Variants in PPP2R2B observed in about 807,000 individuals in gnomAD.
PPP2R2B encodes serine/threonine-protein phosphatase 2A 55 kDa regulatory subunit B beta isoform.
Under a neutral mutation model 46.0 loss-of-function variants are expected in PPP2R2B, and 5 were observed. The ratio of observed to expected loss-of-function variants is 0.11; its 90% confidence interval spans 0.06 to 0.23. The LOEUF (loss-of-function observed/expected upper bound fraction) is 0.23, where lower values mean the gene tolerates loss of function less well. Ranked by LOEUF, PPP2R2B falls within the 10% of genes least tolerant of loss-of-function variation. The pLI, the probability that PPP2R2B is intolerant of heterozygous loss-of-function variation, is 1.00. For synonymous variants in PPP2R2B, 215 were observed against 206.7 expected (o/e 1.04, Z -0.34); for missense variants, 367 against 575.0 (o/e 0.64, Z 3.70).
chr5:147,042,528 T>C (rs10035811), intron 1 of PPP2R2B, among the ~76,000 whole-genome samples: 2,282 of 152,272 alleles, frequency 0.015, 54 homozygotes, highest in African/African-American at 0.053. Context: ...TGGAAACTAC[T>C]GTCCTAGAAA....
intron 1 of PPP2R2B, among the ~76,000 whole-genome samples, chr5:146,956,835 G>A (rs1271473717): frequency 3.3e-5 from 5 of 152,130 alleles, no homozygotes; most frequent in Admixed American, 6.5e-5. Context: ...CATCTTTCAC[G>A]TGTCCTTACA....
At chr5:146,733,700 C>CACACACAGAT (rs61574273) in intron 2 of PPP2R2B, among the ~76,000 whole-genome samples, 1,436 of 99,480 alleles carry the variant, frequency 0.014, 27 homozygotes, top group African/African-American at 0.088. Context: ...AAAACAAAAC[C>CACACACAGAT]ACACACAGAC....
At chr5:147,006,306 A>G (rs1358390666) in intron 1 of PPP2R2B, among the ~76,000 whole-genome samples, 2 of 152,236 alleles carry the variant, frequency 1.3e-5, no homozygotes, top group Non-Finnish European at 2.9e-5. Flanking sequence ...GGAAGGAGCC[A>G]TCTATACCAA....
chr5:146,653,055 T>C (rs1451153158), intron 5 of PPP2R2B, among the ~76,000 whole-genome samples: 1 of 152,210 alleles, frequency 6.6e-6, no homozygotes, highest in Non-Finnish European at 1.5e-5. Flanking sequence ...TCAAGTATTC[T>C]TCATACATAA....
At chr5:146,793,485 T>G (rs1208169448) in intron 2 of PPP2R2B, among the ~76,000 whole-genome samples, 1 of 152,226 alleles carries the variant, frequency 6.6e-6, no homozygotes, top group Non-Finnish European at 1.5e-5. Context: ...CTAATTCATT[T>G]AAGTCACTTA....
At chr5:146,745,698 G>A (rs1356736303) in intron 2 of PPP2R2B, among the ~76,000 whole-genome samples, 1 of 152,128 alleles carries the variant, frequency 6.6e-6, no homozygotes, top group Non-Finnish European at 1.5e-5. Context: ...GGTGGCTCAC[G>A]CCTGTAATCT....
intron 1 of PPP2R2B, among the ~76,000 whole-genome samples, chr5:146,976,251 C>T (rs537676934): frequency 3.3e-5 from 5 of 151,946 alleles, no homozygotes; most frequent in Non-Finnish European, 5.9e-5. Context: ...TATTCTCCTG[C>T]GTCAGCCTCC....
chr5:146,857,260 GTA>G (rs1760728580), intron 2 of PPP2R2B, among the ~76,000 whole-genome samples: 1 of 152,112 alleles, frequency 6.6e-6, no homozygotes, highest in African/African-American at 2.4e-5. Context: ...GCGTTCAGAA[GTA>G]TGAGGTTATA....
At chr5:146,687,031 G>A (rs1014501794) in intron 5 of PPP2R2B, among the ~76,000 whole-genome samples, 2 of 151,390 alleles carry the variant, frequency 1.3e-5, no homozygotes, top group East Asian at 1.9e-4. Context: ...GTGTATGTGT[G>A]TGTGTGTGTG....
Position 147,003,039 on chromosome 5 carries a change from G to A in PPP2R2B, c.79+52626C>T, listed in dbSNP as rs192691192. On this transcript the variant is annotated intron_variant, in intron 1 of 8. Transcript: ENST00000336640. Reference sequence around the variant, plus strand: ...CTGATGGGGAAAAATGGCCACCTGAGGGAAGTATAAATTACTATACGATCC... The same window carrying A: ...CTGATGGGGAAAAATGGCCACCTGAAGGAAGTATAAATTACTATACGATCC... Among the ~76,000 whole-genome samples the A allele has an allele frequency of 3.0e-3, 454 of 152,224 alleles. 6 individuals carry two copies. The highest frequency in any genetic ancestry group is 0.01 in the Middle Eastern group (3 of 294).
upstream of PPP2R2B, among the ~76,000 whole-genome samples, chr5:146,883,206 C>T (rs994379252): frequency 7.2e-5 from 11 of 152,188 alleles, no homozygotes; most frequent in African/African-American, 2.7e-4. Flanking sequence ...CTCTGAACCT[C>T]TATATTTGCA....
chr5:147,081,243 G>A (rs1418649565), intron 1 of PPP2R2B: 1 of 1,535,626 alleles, frequency 6.5e-7, no homozygotes, highest in South Asian at 1.2e-5. Context: ...ATTTCTAAAA[G>A]GAGACTTGCA....
chr5:147,027,403 G>T (rs550424257), intron 1 of PPP2R2B, among the ~76,000 whole-genome samples: 1 of 152,272 alleles, frequency 6.6e-6, no homozygotes, highest in East Asian at 1.9e-4. Context: ...GTGAGGCAGA[G>T]GCCGGCGGAT....
At chr5:147,055,657 G>A (rs1257053096) in intron 1 of PPP2R2B, 1 of 1,603,068 alleles carries the variant, frequency 6.2e-7, no homozygotes, top group Non-Finnish European at 8.5e-7. Context: ...TCCCTCTCTG[G>A]TCTGTACCTT....
intron 1 of PPP2R2B, chr5:147,055,661 G>C: frequency 6.2e-7 from 1 of 1,605,966 alleles, no homozygotes. Flanking sequence ...TCTCTGGTCT[G>C]TACCTTCTGT....
intron 7 of PPP2R2B, among the ~76,000 whole-genome samples, chr5:146,619,652 C>T (rs1315242702): frequency 1.3e-5 from 2 of 152,150 alleles, no homozygotes; most frequent in East Asian, 1.9e-4. Flanking sequence ...ATCAAACATA[C>T]GTCCTCTGTA....
chr5:146,584,921 G>A lies in PPP2R2B; in HGVS notation c.*5026C>T, dbSNP rs1331859326. On this transcript the variant is annotated 3_prime_UTR_variant, in exon 10 of 10. Coordinates refer to ENST00000394411, the MANE Select transcript of PPP2R2B (RefSeq NM_181675.4). Reference sequence around the variant, plus strand: ...TATTGGAAACGCTGTATCATGCTTTGTTGAGCAAATTTAGTTAAAATTCTG... The same window carrying A: ...TATTGGAAACGCTGTATCATGCTTTATTGAGCAAATTTAGTTAAAATTCTG... 4 of 152,138 alleles carry A rather than the reference G, an allele frequency of 2.6e-5. No homozygotes were observed. The highest frequency in any genetic ancestry group is 5.9e-5 in the Non-Finnish European group (4 of 68,024). 9.4% of individuals were successfully genotyped at this position (152,138 alleles called of 1,614,324 possible). A position where few individuals can be genotyped will look rare whatever the true frequency, so the allele number is the denominator to read the frequency against.
At chr5:146,674,131 C>G (rs1301472943) in intron 5 of PPP2R2B, among the ~76,000 whole-genome samples, 2 of 152,160 alleles carry the variant, frequency 1.3e-5, no homozygotes, top group Non-Finnish European at 2.9e-5. Context: ...TTGGAGCTAG[C>G]TACATATTAT....
chr5:147,034,225 C>A (rs1297732878), intron 1 of PPP2R2B, among the ~76,000 whole-genome samples: 3 of 152,108 alleles, frequency 2.0e-5, no homozygotes, highest in Non-Finnish European at 2.9e-5. Flanking sequence ...TGGCTGATGA[C>A]CTCATGTCCT....
Sources: gnomAD v4.1 joint callset for allele counts (sites outside exome capture counted in the v4.1 genomes callset) on GRCh38, gnomAD v4.1.1 for gene constraint, MANE v1.5 for transcripts, NCBI Gene and HGNC (gene_info 2026-07-23, HGNC 2026-07-21) for gene names.